ACAA2: variants seen among roughly 807,000 people sequenced by gnomAD.
ACAA2 encodes the protein acetyl-CoA acyltransferase 2.
ACAA2 carries 35 observed loss-of-function variants against 44.8 expected under a neutral mutation model. The observed-to-expected ratio is 0.78, with a 90% CI of 0.60 to 1.04. The LOEUF is 1.04. Among genes scored for constraint, ACAA2 ranks in the 50% least tolerant of loss-of-function variants. The pLI is 0.00. For synonymous variants in ACAA2, 142 were observed against 166.5 expected (o/e 0.85, Z 1.13); for missense variants, 468 against 482.6 (o/e 0.97, Z 0.28).
chr18:49,788,643 G>A (rs1360168951), intron 7 of ACAA2, among the ~76,000 whole-genome samples: 1 of 152,214 alleles, frequency 6.6e-6, no homozygotes, highest in African/African-American at 2.4e-5. Flanking sequence ...GTGAGGGGAT[G>A]AAGTAGCCAA....
chr18:49,810,461 A>C (rs1332127577), intron 1 of ACAA2, among the ~76,000 whole-genome samples: 1 of 152,188 alleles, frequency 6.6e-6, no homozygotes, highest in African/African-American at 2.4e-5. Context: ...TCATATTCTA[A>C]GAAAGCATTT....
chr18:49,798,740 CTA>C (rs769813849), intron 2 of ACAA2, among the ~76,000 whole-genome samples: 9 of 152,100 alleles, frequency 5.9e-5, no homozygotes, highest in Non-Finnish European at 1.2e-4. Flanking sequence ...AATCTACTAA[CTA>C]AATGTTTCAT....
At chr18:49,790,111 G>T (rs1345186508) in intron 7 of ACAA2, among the ~76,000 whole-genome samples, 1 of 152,172 alleles carries the variant, frequency 6.6e-6, no homozygotes, top group Non-Finnish European at 1.5e-5. Context: ...ACAACATACG[G>T]ATGTTTAATT....
intron 5 of ACAA2, 127 bp downstream of exon 5, chr18:49,794,150 GAAT>G (rs2023437906): frequency 1.4e-5 from 10 of 735,554 alleles, no homozygotes; most frequent in Admixed American, 7.8e-5. Context: ...AAAGACAAAG[GAAT>G]AATGAAAAGA....
Position 49,795,773 on chromosome 18 carries a change from C to T in ACAA2, c.421G>A (p.Asp141Asn). The T allele has an allele frequency of 6.3e-7, 1 of 1,597,726 alleles. No individual in the cohort carries two copies. Among genetic ancestry groups the T allele is most frequent in the Non-Finnish European group, 8.5e-7 (1 of 1,171,090 alleles). ...NVRFGTKLGS[D>N]IKLEDSLWVS... is the part of the protein sequence containing the mutation. ...ATTTTTATGGTTCCAACCTTGATAT[C>T]TGATCCAAGCTTGGTTCCAAAACGC... The change falls in exon 4 of 10, where the codon GAT becomes AAT. Residue 141 changes from aspartate to asparagine, a missense_variant. Asp to Asn is a conservative substitution (Grantham distance 23). Transcript: ENST00000285093.
In ACAA2 at chr18:49,799,392, T is replaced by C. The variant is rs868381334; in HGVS notation, c.184-1798A>G. Among the ~76,000 whole-genome samples the C allele has an allele frequency of 1.9e-3, 247 of 132,644 alleles. 1 individual carries two copies. In the Middle Eastern group the frequency reaches 0.024, roughly 13 times the overall value. 87.0% of individuals were successfully genotyped at this position (132,644 alleles called of 152,430 possible). On this transcript the variant is annotated intron_variant, in intron 2 of 9. Coordinates refer to ENST00000285093, the MANE Select transcript of ACAA2 (RefSeq NM_006111.3). ...GCCACGCCTGACTGGTTTTCGTATT[T>C]TTTTGGTGGAGACGGGGTTTCGCTG... is the stretch of plus-strand genomic sequence containing the variant.
At chr18:49,784,134 AAGAAC>A (rs2023299589) in intron 9 of ACAA2, among the ~76,000 whole-genome samples, 1 of 149,412 alleles carries the variant, frequency 6.7e-6, no homozygotes, top group Non-Finnish European at 1.5e-5. Context: ...ACAAAAAACA[AAGAAC>A]AAAAACAAAC....
rs1258826790 is a variant in ACAA2 at position 49,782,567 on chromosome 18, C to T, written c.*1280G>A. On this transcript the variant is annotated 3_prime_UTR_variant, in exon 10 of 10. Coordinates refer to ENST00000285093, the MANE Select transcript of ACAA2 (RefSeq NM_006111.3). ...TATCTCAAAAAAAAAAAAAAAAGGC[C>T]GGGTGCAGTGGCTCACGCCTGTAAT... 8.8e-5 allele frequency: 10 copies of T among 113,190 alleles called. No homozygotes were observed. Among genetic ancestry groups the T allele is most frequent in the East Asian group, 2.3e-4 (1 of 4,342 alleles). The allele number at this position is 113,190 out of a possible 1,614,324, so 7.0% of individuals were successfully genotyped here.
chr18:49,795,916 T>C, intron 3 of ACAA2, 35 bp from the exon 4 acceptor site: 1 of 1,315,216 alleles, frequency 7.6e-7, no homozygotes, highest in Non-Finnish European at 1.1e-6. Context: ...AAACTCCTTT[T>C]ACCGTACCCA....
intron 3 of ACAA2, 39 bp from the exon 4 acceptor site, chr18:49,795,920 G>T (rs748594033): frequency 7.9e-7 from 1 of 1,270,014 alleles, no homozygotes; most frequent in South Asian, 1.2e-5. Flanking sequence ...TCCTTTTACC[G>T]TACCCAAACA....
intron 2 of ACAA2, among the ~76,000 whole-genome samples, chr18:49,802,169 T>C (rs1174348526): frequency 6.6e-6 from 1 of 152,152 alleles, no homozygotes; most frequent in Non-Finnish European, 1.5e-5. Flanking sequence ...CTGAAATGCA[T>C]CCCAAGTCAG....
At chr18:49,787,619 G>C (rs1331259595) in intron 7 of ACAA2, among the ~76,000 whole-genome samples, 1 of 151,236 alleles carries the variant, frequency 6.6e-6, no homozygotes, top group African/African-American at 2.4e-5. Context: ...TAGCCTCCTG[G>C]GCAACACAGC....
intron 5 of ACAA2, among the ~76,000 whole-genome samples, chr18:49,792,782 G>A (rs577322678): frequency 2.6e-5 from 4 of 151,930 alleles, no homozygotes; most frequent in East Asian, 1.9e-4. Flanking sequence ...CTTACCTTCC[G>A]TATTGGAGGA....
chr18:49,791,719 GAGATACAATT>G (rs1347270793), intron 6 of ACAA2, 120 bp from the exon 7 acceptor site: 8 of 959,110 alleles, frequency 8.3e-6, no homozygotes, highest in Non-Finnish European at 1.2e-5. Context: ...TGCACAGTGT[GAGATACAATT>G]AGAAAAGTGG....
chr18:49,809,961 C>A (rs187466146), intron 1 of ACAA2, among the ~76,000 whole-genome samples: 1 of 151,992 alleles, frequency 6.6e-6, no homozygotes. Flanking sequence ...GGAAACGGAC[C>A]GGGCAAGGGA....
chr18:49,798,600 G>T (rs554854599), intron 2 of ACAA2, among the ~76,000 whole-genome samples: 1 of 152,154 alleles, frequency 6.6e-6, no homozygotes, highest in East Asian at 1.9e-4. Flanking sequence ...GTTTTAGGAT[G>T]TTCATTGTAC....
rs867450926 is a variant in ACAA2 at position 49,799,866 on chromosome 18, C to T, written c.184-2272G>A. Among the ~76,000 whole-genome samples, 19 of 141,160 alleles carry T rather than the reference C, an allele frequency of 1.3e-4. 1 individual carries two copies. In the South Asian group the frequency reaches 2.5e-3, roughly 19 times the overall value. The allele number at this position is 141,160 out of a possible 152,430, so 92.6% of individuals were successfully genotyped here. A position where few individuals can be genotyped will look rare whatever the true frequency, so the allele number is the denominator to read the frequency against. ...GATGTGGGGAGCGCCTCTGCCCGGC[C>T]GCGACCCCATCTGGGAGGTGAGGAG... On this transcript the variant is annotated intron_variant, in intron 2 of 9. Coordinates refer to ENST00000285093, the MANE Select transcript of ACAA2 (RefSeq NM_006111.3).
At position 49,782,207 on chromosome 18, in the gene ACAA2, TCTTA is replaced by T. The variant is rs1381223455; in HGVS notation, c.*1636_*1639del. 2 of 152,192 alleles carry T rather than the reference TCTTA, an allele frequency of 1.3e-5. No individual in the cohort carries two copies. The highest frequency in any genetic ancestry group is 2.4e-5 in the African/African-American group (1 of 41,440). 9.4% of individuals were successfully genotyped at this position (152,192 alleles called of 1,614,324 possible). A position where few individuals can be genotyped will look rare whatever the true frequency, so the allele number is the denominator to read the frequency against. On this transcript the variant is annotated 3_prime_UTR_variant, in exon 10 of 10. Transcript: ENST00000285093. ...TTTATTATGAGAAATTATACAGGGC[TCTTA>T]CTTTTTAATATTTTTATGACAGTAG... is the stretch of plus-strand genomic sequence containing the variant.
At chr18:49,801,467 C>T (rs1419492402) in intron 2 of ACAA2, among the ~76,000 whole-genome samples, 1 of 152,032 alleles carries the variant, frequency 6.6e-6, no homozygotes, top group Non-Finnish European at 1.5e-5. Context: ...TGTTCTAATG[C>T]CTTCTTAGGT....
Sources: gnomAD v4.1 joint callset for allele counts (sites outside exome capture counted in the v4.1 genomes callset) on GRCh38, gnomAD v4.1.1 for gene constraint, MANE v1.5 for transcripts, NCBI Gene and HGNC (gene_info 2026-07-23, HGNC 2026-07-21) for gene names.